ARL5C: variants seen among roughly 807,000 people sequenced by gnomAD.
ARL5C encodes putative ADP-ribosylation factor-like protein 5C.
A neutral mutation model predicts 20.8 loss-of-function variants in ARL5C; 21 were observed. The observed-to-expected ratio is 1.01, with a 90% CI of 0.72 to 1.46. The LOEUF (loss-of-function observed/expected upper bound fraction) is 1.46, where lower values mean the gene tolerates loss of function less well. Ranked by LOEUF, ARL5C falls within the 40% of genes most tolerant of loss-of-function variation. The pLI, the probability that ARL5C is intolerant of heterozygous loss-of-function variation, is 0.00. For missense variants in ARL5C, 199 were observed against 225.1 expected (o/e 0.88, Z 0.74); for synonymous variants, 71 against 81.6 (o/e 0.87, Z 0.70).
Position 39,165,724 on chromosome 17 carries a change from C to G in ARL5C, c.37G>C (p.Gly13Arg), listed in dbSNP as rs943588013. ...QLIAKLMSIF[G>R]NQEHTVIIVG... is the part of the protein sequence containing the mutation. ...CCTGTGCGCCCCTTACCCTGGTTCCCGAAGATGCTCATTAACTTGGCGATC... is the reference window on the plus strand; with the variant it reads ...CCTGTGCGCCCCTTACCCTGGTTCCGGAAGATGCTCATTAACTTGGCGATC... The change falls in exon 1 of 6, where the codon GGG (glycine) becomes CGG (arginine). Residue 13 changes from glycine to arginine, a missense_variant. Transcript: ENST00000269586. 6 of 1,551,736 alleles carry G rather than the reference C, an allele frequency of 3.9e-6. No homozygotes were observed. In the African/African-American group the frequency reaches 6.8e-5, roughly 18 times the overall value.
chr17:39,160,706 T>C lies in ARL5C; in HGVS notation c.376A>G (p.Lys126Glu), dbSNP rs1229152836. 4 of 1,551,782 alleles carry C rather than the reference T, an allele frequency of 2.6e-6. No homozygotes were observed. Among genetic ancestry groups the C allele is most frequent in the Non-Finnish European group, 3.5e-6 (4 of 1,146,980 alleles). ...CTCATGGAGTCCTTCACGTCCTGCTTATTGGCAAATATCAGGACTGAAGCA... is the reference window on the plus strand; with the variant it reads ...CTCATGGAGTCCTTCACGTCCTGCTCATTGGCAAATATCAGGACTGAAGCA... ...QDASVLIFANKQDVKDSMRMV... is the reference protein window; with the variant it reads ...QDASVLIFANEQDVKDSMRMV... Residue 126 changes from lysine to glutamate, a missense_variant, in exon 5 of 6, where the codon AAG becomes GAG. Coordinates refer to ENST00000269586, the MANE Select transcript of ARL5C (RefSeq NM_001143968.1).
chr17:39,157,054 A>G (rs915336957), intron 5 of ARL5C, 112 bp from the exon 6 acceptor site: 9 of 1,157,856 alleles, frequency 7.8e-6, no homozygotes, highest in African/African-American at 4.6e-5. Context: ...GTTACATCCA[A>G]TAATTCAATT....
At chr17:39,165,376 G>A (rs2144051038) in intron 1 of ARL5C, 4 of 592,740 alleles carry the variant, frequency 6.7e-6, no homozygotes, top group African/African-American at 1.9e-5. Context: ...AAAGGCCCGG[G>A]GCGCTTCGGG....
In ARL5C at chr17:39,165,846, G is replaced by T. The variant is rs1032788881; in HGVS notation, c.-86C>A. ...CTGGTATTCGGAGCTCCGCTCCCCC[G>T]GGAGGGTCTGGCAGATTTTGCCTAC... is the stretch of plus-strand genomic sequence containing the variant. On this transcript the variant is annotated 5_prime_UTR_variant, in exon 1 of 6. Transcript: ENST00000269586. 3 of 1,479,798 alleles carry T rather than the reference G, an allele frequency of 2.0e-6. No individual in the cohort carries two copies. Among genetic ancestry groups the T allele is most frequent in the Non-Finnish European group, 2.8e-6 (3 of 1,086,632 alleles). The allele number at this position is 1,479,798 out of a possible 1,614,324, so 91.7% of individuals were successfully genotyped here. A position where few individuals can be genotyped will look rare whatever the true frequency, so the allele number is the denominator to read the frequency against.
At chr17:39,160,795 T>C in intron 4 of ARL5C, 53 bp from the exon 5 acceptor site, 1 of 1,537,430 alleles carries the variant, frequency 6.5e-7, no homozygotes, top group Non-Finnish European at 8.8e-7. Context: ...CAGCCTTCCT[T>C]CCTACTGCCT....
At chr17:39,161,109 G>C (rs2045432455) in intron 4 of ARL5C, among the ~76,000 whole-genome samples, 159 bp downstream of exon 4, 1 of 152,198 alleles carries the variant, frequency 6.6e-6, no homozygotes, top group Non-Finnish European at 1.5e-5. Flanking sequence ...TGAGGGTACT[G>C]ATGCCCTTCA....
chr17:39,158,809 T>C (rs924308490), intron 5 of ARL5C, among the ~76,000 whole-genome samples: 49 of 151,840 alleles, frequency 3.2e-4, no homozygotes, highest in African/African-American at 1.2e-3. Context: ...AATTGCAACA[T>C]TCCCTCCACA....
intron 5 of ARL5C, among the ~76,000 whole-genome samples, chr17:39,157,715 G>A (rs548480583): frequency 2.0e-5 from 3 of 152,004 alleles, no homozygotes; most frequent in Admixed American, 6.6e-5. Context: ...CCTTGAACCC[G>A]GGAGACGGAG....
At position 39,160,698 on chromosome 17, in the gene ARL5C, G is replaced by A. The variant is rs919860904; in HGVS notation, c.384C>T (p.Asp128=). The A allele has an allele frequency of 3.2e-5, 49 of 1,551,698 alleles. No homozygotes were observed. The highest frequency in any genetic ancestry group is 3.3e-4 in the Middle Eastern group (2 of 6,000). The part of the protein sequence containing the change: ...ASVLIFANKQ[D]VKDSMRMVEI... ...CCACCATCCTCATGGAGTCCTTCAC[G>A]TCCTGCTTATTGGCAAATATCAGGA... The change falls in exon 5 of 6, where the codon GAC becomes GAT. Residue 128 remains aspartate (D), a synonymous_variant. Coordinates refer to ENST00000269586, the MANE Select transcript of ARL5C (RefSeq NM_001143968.1).
chr17:39,165,515 C>T (rs1331866319), intron 1 of ARL5C, 200 bp downstream of exon 1: 1 of 643,414 alleles, frequency 1.6e-6, no homozygotes. Flanking sequence ...CCCAGCTTTG[C>T]GTCCTGGGGC....
intron 1 of ARL5C, chr17:39,165,423 C>A: frequency 1.7e-6 from 1 of 589,104 alleles, no homozygotes; most frequent in South Asian, 2.1e-5. Context: ...AAGAGCATAA[C>A]GCGAAGTCAC....
Position 39,162,785 on chromosome 17 carries a change from G to A in ARL5C, c.181C>T (p.His61Tyr), listed in dbSNP as rs931656934. The A allele has an allele frequency of 6.4e-7, 1 of 1,551,370 alleles. No individual in the cohort carries two copies. The highest frequency in any genetic ancestry group is 1.4e-5 in the African/African-American group (1 of 73,038). ...NVEEIILPKT[H>Y]FFMWDIVRPE... ...CTCACTATGTCCCACATGAAGAAGT[G>A]GGTCTTCGGCAGAATGATCTCCTCC... Residue 61 changes from histidine (H) to tyrosine (Y), a missense_variant, in exon 3 of 6, where the codon CAC (histidine) becomes TAC (tyrosine). Physicochemically the swap from His to Tyr is moderately conservative, Grantham distance 83. Coordinates refer to ENST00000269586, the MANE Select transcript of ARL5C (RefSeq NM_001143968.1).
chr17:39,164,905 A>G, intron 2 of ARL5C, 174 bp downstream of exon 2: 1 of 626,374 alleles, frequency 1.6e-6, no homozygotes, highest in Non-Finnish European at 2.8e-6. Context: ...GCAGGATTTG[A>G]ATGCCAGACC....
At chr17:39,162,073 T>C (rs961431754) in intron 3 of ARL5C, among the ~76,000 whole-genome samples, 2 of 152,072 alleles carry the variant, frequency 1.3e-5, no homozygotes, top group African/African-American at 4.8e-5. Context: ...CCAGGAATTA[T>C]ACCACTGAAT....
At position 39,165,992 on chromosome 17, in the gene ARL5C, G is replaced by T. The variant is rs1270341903; in HGVS notation, c.-232C>A. ...GCTGCCTGTCCCGGGCCCAAGAGGT[G>T]CAAGGAATATGGGGGTTCCAGGCTC... On this transcript the variant is annotated 5_prime_UTR_variant, in exon 1 of 6. Coordinates refer to ENST00000269586, the MANE Select transcript of ARL5C (RefSeq NM_001143968.1). 1.7e-6 allele frequency: 1 copy of T among 574,058 alleles called. No homozygotes were observed. The highest frequency in any genetic ancestry group is 2.9e-5 in the East Asian group (1 of 33,920). The allele number at this position is 574,058 out of a possible 1,614,324, so 35.6% of individuals were successfully genotyped here.
chr17:39,160,837 TC>T, intron 4 of ARL5C, 95 bp from the exon 5 acceptor site: 1 of 1,433,980 alleles, frequency 7.0e-7, no homozygotes. Flanking sequence ...TCTCCAGCTG[TC>T]CCAGGAAGAG....
intron 2 of ARL5C, 188 bp downstream of exon 2, chr17:39,164,891 C>T (rs1007454546): frequency 1.7e-6 from 1 of 574,658 alleles, no homozygotes; most frequent in East Asian, 3.1e-5. Flanking sequence ...GTTGCCTGTA[C>T]GGTGCAGGAT....
chr17:39,164,469 A>G (rs1309971036), intron 2 of ARL5C, among the ~76,000 whole-genome samples: 1 of 152,220 alleles, frequency 6.6e-6, no homozygotes, highest in Non-Finnish European at 1.5e-5. Flanking sequence ...AAGGAAACTT[A>G]CTTTTCACCG....
Position 39,156,945 on chromosome 17 carries a change from G to A in ARL5C, c.492-3C>T, listed in dbSNP as rs961641860. 6.4e-7 allele frequency: 1 copy of A among 1,551,762 alleles called. No individual in the cohort carries two copies. Among genetic ancestry groups the A allele is most frequent in the African/African-American group, 1.4e-5 (1 of 73,074 alleles). On this transcript the variant is annotated splice_region_variant and splice_polypyrimidine_tract_variant and intron_variant, in intron 5 of 5. Transcript: ENST00000269586. ...TCCACTGAAGTCTGGCAGGCAGCCT[G>A]CAGGGAGGAAGGAACAGGAGGGGTC... is the stretch of plus-strand genomic sequence containing the variant.
Sources: gnomAD v4.1 joint callset for allele counts (sites outside exome capture counted in the v4.1 genomes callset) on GRCh38, gnomAD v4.1.1 for gene constraint, MANE v1.5 for transcripts, NCBI Gene and HGNC (gene_info 2026-07-23, HGNC 2026-07-21) for gene names.